RPRD1A: variants seen among roughly 807,000 people sequenced by gnomAD.
RPRD1A encodes the protein regulation of nuclear pre-mRNA domain containing 1A, also known as regulation of nuclear pre-mRNA domain-containing protein 1A.
RPRD1A carries 9 observed loss-of-function variants against 37.8 expected under a neutral mutation model. The observed-to-expected ratio is 0.24, with a 90% CI of 0.14 to 0.42. The LOEUF (loss-of-function observed/expected upper bound fraction) is 0.42. Among genes scored for constraint, RPRD1A ranks in the 10% least tolerant of loss-of-function variants. RPRD1A has a pLI of 1.00. For synonymous variants in RPRD1A, 138 were observed against 139.7 expected, an observed-to-expected ratio of 0.99 and a Z score of 0.08; for missense variants, 255 against 371.0, an observed-to-expected ratio of 0.69 and a Z score of 2.57.
intron 6 of RPRD1A, among the ~76,000 whole-genome samples, chr18:35,993,821 C>T (rs993843200): frequency 6.6e-6 from 1 of 152,084 alleles, no homozygotes; most frequent in Admixed American, 6.6e-5. Context: ...CCAGAAAGAG[C>T]GCCTCTCATC....
intron 6 of RPRD1A, among the ~76,000 whole-genome samples, chr18:36,014,017 T>C (rs1178236170): frequency 2.0e-5 from 3 of 152,144 alleles, no homozygotes; most frequent in Non-Finnish European, 4.4e-5. Flanking sequence ...CCTGTGATTT[T>C]TGGTACTCCA....
chr18:36,061,232 G>C (rs1168897106), intron 1 of RPRD1A, among the ~76,000 whole-genome samples: 1 of 152,104 alleles, frequency 6.6e-6, no homozygotes, highest in Admixed American at 6.6e-5. Context: ...TTTGTTTATT[G>C]GTTGCCCTTA....
chr18:35,993,087 G>A lies in RPRD1A; in HGVS notation c.*64C>T. 6 of 1,437,626 alleles carry A rather than the reference G, an allele frequency of 4.2e-6. No homozygotes were observed. Among genetic ancestry groups the A allele is most frequent in the South Asian group, 1.3e-5 (1 of 77,546 alleles). The allele number at this position is 1,437,626 out of a possible 1,614,324, so 89.1% of individuals were successfully genotyped here. ...ACAATATACAAAAATAACACTACAGGACTATCCACCTAACCTGTCTCCATC... is the reference window on the plus strand; with the variant it reads ...ACAATATACAAAAATAACACTACAGAACTATCCACCTAACCTGTCTCCATC... On this transcript the variant is annotated 3_prime_UTR_variant, in exon 7 of 7. Transcript: ENST00000399022.
chr18:36,063,802 T>G (rs2088962313), intron 1 of RPRD1A, among the ~76,000 whole-genome samples: 2 of 152,208 alleles, frequency 1.3e-5, no homozygotes, highest in African/African-American at 4.8e-5. Flanking sequence ...AGCAGTCATC[T>G]GTCAAGAAAA....
chr18:36,040,707 A>G, intron 1 of RPRD1A: 3 of 610,010 alleles, frequency 4.9e-6, no homozygotes, highest in Non-Finnish European at 8.1e-6. Context: ...TCATTTTTCT[A>G]TGCAGTACCT....
intron 2 of RPRD1A, among the ~76,000 whole-genome samples, chr18:36,033,056 C>T (rs1911912858): frequency 6.6e-6 from 1 of 152,068 alleles, no homozygotes; most frequent in East Asian, 1.9e-4. Flanking sequence ...GTAATCCCAG[C>T]ACTTTGGGAG....
rs765553208 is a variant in RPRD1A, at chr18:36,030,794, G to A, written c.486+14C>T. The A allele has an allele frequency of 2.6e-6, 4 of 1,529,876 alleles. No individual in the cohort carries two copies. In the South Asian group the frequency reaches 4.6e-5, roughly 18 times the overall value. The allele number at this position is 1,529,876 out of a possible 1,614,324, so 94.8% of individuals were successfully genotyped here. On this transcript the variant is annotated intron_variant, in intron 4 of 6. Coordinates refer to ENST00000399022, the MANE Select transcript of RPRD1A (RefSeq NM_018170.5). ...TAAAAGTTTGTAACTCTTTTAACAG[G>A]GTAAAATTTCTACCTGTGGTGGTTC...
Position 36,033,726 on chromosome 18 carries a change from G to C in RPRD1A, c.263C>G (p.Ala88Gly). Reference protein sequence around the residue: ...TKDFAPVIVEAFKHVSSETDE... With the variant: ...TKDFAPVIVEGFKHVSSETDE... ...ATCATACCTTGAAACATGCTTAAAA[G>C]CCTCCACTATAACTGGTGCAAAATC... Residue 88 changes from alanine to glycine, a missense_variant, in exon 2 of 7, where the codon GCT (alanine) becomes GGT (glycine). By Grantham distance (60) the Ala-to-Gly change is moderately conservative (BLOSUM62 0). Coordinates refer to ENST00000399022, the MANE Select transcript of RPRD1A (RefSeq NM_018170.5). 1 of 1,611,588 alleles carries C rather than the reference G, an allele frequency of 6.2e-7. No homozygotes were observed. The highest frequency in any genetic ancestry group is 8.5e-7 in the Non-Finnish European group (1 of 1,178,596).
intron 1 of RPRD1A, among the ~76,000 whole-genome samples, chr18:36,036,998 T>C (rs1014983038): frequency 6.6e-6 from 1 of 152,178 alleles, no homozygotes; most frequent in Non-Finnish European, 1.5e-5. Flanking sequence ...TATTTTAATG[T>C]TTGCCATGTA....
At chr18:36,041,736 T>A (rs1468369137) in intron 1 of RPRD1A, among the ~76,000 whole-genome samples, 1 of 152,218 alleles carries the variant, frequency 6.6e-6, no homozygotes, top group African/African-American at 2.4e-5. Context: ...GATAGGTGGT[T>A]GTCAGCCAAA....
In RPRD1A at chr18:36,029,869, T is replaced by C. The variant is rs142530440; in HGVS notation, c.486+939A>G. 4.5e-3 allele frequency among the ~76,000 whole-genome samples: 676 copies of C among 151,838 alleles called. 5 individuals carry two copies. Among genetic ancestry groups the C allele is most frequent in the African/African-American group, 0.016 (653 of 41,434 alleles). Reference sequence around the variant, plus strand: ...CACCCAGGATGGAGTGCAGTGGTGCTATCTCGGTTCACTGCAAGCTCCGCC... The same window carrying C: ...CACCCAGGATGGAGTGCAGTGGTGCCATCTCGGTTCACTGCAAGCTCCGCC... On this transcript the variant is annotated intron_variant, in intron 4 of 6. Transcript: ENST00000399022.
At chr18:36,058,100 C>G (rs1034824075) in intron 1 of RPRD1A, among the ~76,000 whole-genome samples, 4 of 152,194 alleles carry the variant, frequency 2.6e-5, no homozygotes, top group Non-Finnish European at 4.4e-5. Flanking sequence ...CCAGACTGCA[C>G]TGGTCAGATC....
chr18:36,002,026 G>GCTAAGTCTTTCAAGGTTTTTACTTTA (rs1909451079), intron 6 of RPRD1A, among the ~76,000 whole-genome samples: 1 of 151,558 alleles, frequency 6.6e-6, no homozygotes, highest in African/African-American at 2.4e-5. Context: ...TCCCCCTCTG[G>GCTAAGTCTTTCAAGGTTTTTACTTTA]CTTCTTTCAA....
In RPRD1A at chr18:36,056,467, T is replaced by C. The variant is rs918473002; in HGVS notation, c.151+10787A>G. 4.6e-5 allele frequency among the ~76,000 whole-genome samples: 7 copies of C among 152,162 alleles called. No individual in the cohort carries two copies. In the East Asian group the frequency reaches 5.8e-4, roughly 13 times the overall value. ...CACACCCAGCTAAATTTTGTATTTT[T>C]AGTAGAGACAGAGTTTCACCATGTT... On this transcript the variant is annotated intron_variant, in intron 1 of 6. Coordinates refer to ENST00000399022, the MANE Select transcript of RPRD1A (RefSeq NM_018170.5).
intron 1 of RPRD1A, among the ~76,000 whole-genome samples, chr18:36,061,295 C>A (rs1056375757): frequency 6.6e-6 from 1 of 152,152 alleles, no homozygotes; most frequent in Non-Finnish European, 1.5e-5. Context: ...CCTTTGTTTT[C>A]TTTACCATTG....
chr18:36,006,359 T>C (rs759643613), intron 6 of RPRD1A, among the ~76,000 whole-genome samples: 10 of 152,106 alleles, frequency 6.6e-5, no homozygotes, highest in Non-Finnish European at 1.5e-4. Context: ...TCAAAAAATA[T>C]TATGTAGAGA....
chr18:36,031,193 A>G, intron 2 of RPRD1A, 96 bp from the exon 3 acceptor site: 2 of 1,368,240 alleles, frequency 1.5e-6, no homozygotes, highest in Non-Finnish European at 1.9e-6. Context: ...ATAATCAGAC[A>G]TTCATTCCCT....
chr18:36,057,366 G>C (rs186642854), intron 1 of RPRD1A, among the ~76,000 whole-genome samples: 27 of 152,192 alleles, frequency 1.8e-4, no homozygotes, highest in African/African-American at 6.3e-4. Context: ...CCAGCACTTT[G>C]GGAGGCCAAA....
At chr18:36,027,447 C>G in intron 4 of RPRD1A, 137 bp from the exon 5 acceptor site, 1 of 822,492 alleles carries the variant, frequency 1.2e-6, no homozygotes, top group Admixed American at 2.7e-5. Context: ...TGAAGACAAT[C>G]AATTTCTTTC....
Sources: gnomAD v4.1 joint callset for allele counts (sites outside exome capture counted in the v4.1 genomes callset) on GRCh38, gnomAD v4.1.1 for gene constraint, MANE v1.5 for transcripts, NCBI Gene and HGNC (gene_info 2026-07-23, HGNC 2026-07-21) for gene names.